The following ART3 variants were observed in gnomAD, a reference collection of about 807,000 sequenced individuals.
ART3 encodes ecto-ADP-ribosyltransferase 3.
A neutral mutation model predicts 48.5 loss-of-function variants in ART3; 49 were observed. The ratio of observed to expected loss-of-function variants is 1.01; its 90% CI spans 0.80 to 1.28. ART3 has a LOEUF of 1.28. ART3 is among the 50% of genes most tolerant of loss of function. The pLI is 0.00. For synonymous variants in ART3, 145 were observed against 157.2 expected (o/e 0.92, Z 0.58); for missense variants, 438 against 454.3 (o/e 0.96, Z 0.33).
chr4:76,073,210 T>A (rs939948682), upstream of ART3, among the ~76,000 whole-genome samples: 1 of 152,196 alleles, frequency 6.6e-6, no homozygotes, highest in African/African-American at 2.4e-5. Context: ...GTTCAATGAA[T>A]GAATGAAAGA....
intron 10 of ART3, chr4:76,105,673 T>C (rs1728317322): frequency 6.7e-6 from 7 of 1,051,188 alleles, no homozygotes; most frequent in African/African-American, 1.7e-5. Context: ...CACTTTCCGA[T>C]ATCCCAGTCT....
At chr4:76,061,940 C>A (rs1216706388) in intron 1 of ART3, among the ~76,000 whole-genome samples, 1 of 152,180 alleles carries the variant, frequency 6.6e-6, no homozygotes, top group African/African-American at 2.4e-5. Flanking sequence ...TTTCTAGAGT[C>A]CCTTTCCCTA....
intron 1 of ART3, among the ~76,000 whole-genome samples, chr4:76,027,185 G>A (rs1485685522): frequency 1.3e-5 from 2 of 152,110 alleles, no homozygotes; most frequent in Non-Finnish European, 2.9e-5. Context: ...CCCTGGAGAC[G>A]GAGGTTGCAG....
intron 10 of ART3, among the ~76,000 whole-genome samples, chr4:76,106,710 A>C (rs72655515): frequency 0.12 from 18,989 of 152,136 alleles, 1,591 homozygotes; most frequent in African/African-American, 0.23. Context: ...ATGAGGGCGA[A>C]GTTTGGGAGT....
At chr4:76,037,707 T>G (rs1349191092) in intron 1 of ART3, among the ~76,000 whole-genome samples, 1 of 152,198 alleles carries the variant, frequency 6.6e-6, no homozygotes, top group Admixed American at 6.5e-5. Flanking sequence ...AAAAAGATTT[T>G]TACCTGAATT....
intron 1 of ART3, among the ~76,000 whole-genome samples, chr4:76,037,235 AT>A (rs551262023): frequency 9.3e-4 from 108 of 116,572 alleles, no homozygotes; most frequent in African/African-American, 3.6e-3. Context: ...TGTAATTCCT[AT>A]TTTTTTGTCT....
chr4:76,089,640 T>C (rs1238050794), intron 3 of ART3, among the ~76,000 whole-genome samples: 1 of 152,190 alleles, frequency 6.6e-6, no homozygotes, highest in African/African-American at 2.4e-5. Context: ...GATATTTCTT[T>C]ATAGCAGTGG....
intron 1 of ART3, among the ~76,000 whole-genome samples, chr4:76,043,291 C>CT (rs1159355585): frequency 9.9e-5 from 15 of 152,124 alleles, no homozygotes; most frequent in African/African-American, 3.4e-4. Context: ...GTGCTGTGTG[C>CT]CCACACTCCT....
chr4:76,041,601 A>C (rs1164349547), intron 1 of ART3, among the ~76,000 whole-genome samples: 1 of 119,876 alleles, frequency 8.3e-6, no homozygotes, highest in African/African-American at 3.4e-5. Flanking sequence ...TATTTTCTTT[A>C]ATTAAGCATG....
intron 2 of ART3, among the ~76,000 whole-genome samples, chr4:76,078,719 A>G (rs1000579978): frequency 1.4e-4 from 21 of 152,320 alleles, no homozygotes; most frequent in Admixed American, 1.2e-3. Context: ...CAAGTGCTAC[A>G]TAAATGTCCA....
chr4:76,021,756 C>T, intron 1 of ART3: 1 of 689,234 alleles, frequency 1.5e-6, no homozygotes, highest in Non-Finnish European at 2.6e-6. Context: ...ATTAACCTTC[C>T]TACAGGAGTA....
At chr4:76,028,613 G>T (rs1287146827) in intron 1 of ART3, among the ~76,000 whole-genome samples, 1 of 152,224 alleles carries the variant, frequency 6.6e-6, no homozygotes, top group East Asian at 1.9e-4. Context: ...AATCCCCTCA[G>T]CTGGTGCAGA....
At chr4:76,029,382 T>C (rs952201945) in intron 1 of ART3, among the ~76,000 whole-genome samples, 3 of 152,240 alleles carry the variant, frequency 2.0e-5, no homozygotes, top group Non-Finnish European at 2.9e-5. Context: ...TATGAATACA[T>C]CTGTACTTAT....
At chr4:76,059,389 C>A (rs1206000292) in intron 1 of ART3, among the ~76,000 whole-genome samples, 2 of 141,780 alleles carry the variant, frequency 1.4e-5, no homozygotes, top group Admixed American at 1.4e-4. Flanking sequence ...TTTTCCTGAG[C>A]TTTATTTGCA....
intron 1 of ART3, among the ~76,000 whole-genome samples, chr4:76,060,439 T>C (rs1205704798): frequency 1.3e-5 from 2 of 152,212 alleles, no homozygotes; most frequent in Non-Finnish European, 2.9e-5. Context: ...TGAAATCTTG[T>C]CTCTCTCTGC....
intron 1 of ART3, among the ~76,000 whole-genome samples, chr4:76,013,616 C>A (rs1484536952): frequency 6.6e-6 from 1 of 152,160 alleles, no homozygotes; most frequent in Non-Finnish European, 1.5e-5. Flanking sequence ...CTCAGTAATA[C>A]AACAGTGATC....
At chr4:76,110,777 C>CT (rs1301040957) in intron 11 of ART3, among the ~76,000 whole-genome samples, 4 of 151,740 alleles carry the variant, frequency 2.6e-5, no homozygotes, top group Non-Finnish European at 5.9e-5. Flanking sequence ...TATTGGAAAT[C>CT]TTTTTGGATA....
Position 76,079,390 on chromosome 4 carries a change from G to A in ART3, c.70-2434G>A, listed in dbSNP as rs959811409. 5.3e-5 allele frequency among the ~76,000 whole-genome samples: 8 copies of A among 152,162 alleles called. No individual in the cohort carries two copies. The East Asian group carries it at 5.8e-4, about 11-fold the overall frequency. ...AAGAACCAGGTCGTTGTGGCTGTAC[G>A]ATTGTAAGTTTCGTCTTAGACATGT... On this transcript the variant is annotated intron_variant, in intron 2 of 11. Transcript: ENST00000355810.
rs932503451 is a variant in ART3 at position 76,100,803 on chromosome 4, A to C, written c.886A>C (p.Asn296His). Residue 296 changes from asparagine to histidine, a missense_variant, in exon 7 of 12, where the codon AAC (asparagine) becomes CAC (histidine). This residue lies in a region of ART3 where 227 missense variants were observed against 229.6 expected (regional missense o/e 0.99). Transcript: ENST00000355810. Reference protein sequence around the residue: ...NQKLEDHSEKNWKLEDHGEKN... With the variant: ...NQKLEDHSEKHWKLEDHGEKN... The stretch of plus-strand genomic sequence containing the variant: ...TTCTTTTTGTGACTCAGGTGAGAAA[A>C]ACTGGAAGCTTGAAGACCATGGTAA... The C allele has an allele frequency of 6.2e-7, 1 of 1,612,432 alleles. No individual in the cohort carries two copies. Among genetic ancestry groups the C allele is most frequent in the East Asian group, 2.2e-5 (1 of 44,854 alleles).
Sources: allele counts gnomAD v4.1 joint callset (sites outside exome capture counted in the v4.1 genomes callset), GRCh38; gene constraint gnomAD v4.1.1; regional missense constraint gnomAD v4.1.1; transcripts MANE v1.5; gene names NCBI Gene and HGNC (gene_info 2026-07-23, HGNC 2026-07-21).